The following PAFAH1B1 variants were observed in gnomAD, a reference collection of about 807,000 sequenced individuals.
PAFAH1B1 encodes the protein platelet activating factor acetylhydrolase 1b regulatory subunit 1.
In PAFAH1B1, 2 loss-of-function variants were observed where a neutral mutation model predicts 57.5. That is an observed-to-expected ratio of 0.03 (90% CI 0.01 to 0.11). The LOEUF is 0.11. Among genes scored for constraint, PAFAH1B1 ranks in the 10% least tolerant of loss-of-function variants. The pLI is 1.00. For synonymous variants in PAFAH1B1, 152 were observed against 169.6 expected, an observed-to-expected ratio of 0.90 and a Z score of 0.81; for missense variants, 257 against 512.0, an observed-to-expected ratio of 0.50 and a Z score of 4.81.
chr17:2,612,432 T>A (rs1002929753), intron 1 of PAFAH1B1, among the ~76,000 whole-genome samples: 1 of 152,030 alleles, frequency 6.6e-6, no homozygotes, highest in African/African-American at 2.4e-5. Flanking sequence ...GGTCTCAAAC[T>A]ACCGACCTCA....
intron 2 of PAFAH1B1, among the ~76,000 whole-genome samples, chr17:2,648,553 C>T (rs1380847399): frequency 1.3e-5 from 2 of 151,904 alleles, no homozygotes; most frequent in African/African-American, 2.4e-5. Context: ...TGGCACACAC[C>T]TGTAGCCCCA....
Position 2,595,419 on chromosome 17 carries a change from T to G in PAFAH1B1, c.-191+1413T>G, listed in dbSNP as rs889442204. On this transcript the variant is annotated intron_variant, in intron 1 of 10. Transcript: ENST00000397195. ...CCTCCCTTTTTGCCACAGGAGTGTTTGCTTTTTTTTTTTTTTTTGCTGCAG... is the reference window on the plus strand; with the variant it reads ...CCTCCCTTTTTGCCACAGGAGTGTTGGCTTTTTTTTTTTTTTTTGCTGCAG... Among the ~76,000 whole-genome samples, 4 of 139,580 alleles carry G rather than the reference T, an allele frequency of 2.9e-5. 1 individual carries two copies. The highest frequency in any genetic ancestry group is 5.9e-5 in the African/African-American group (2 of 33,858). The allele number at this position is 139,580 out of a possible 152,430, so 91.6% of individuals were successfully genotyped here. A position where few individuals can be genotyped will look rare whatever the true frequency, so the allele number is the denominator to read the frequency against.
intron 5 of PAFAH1B1, chr17:2,667,517 A>G (rs1447429577): frequency 3.0e-6 from 1 of 331,368 alleles, no homozygotes; most frequent in Non-Finnish European, 5.8e-6. Context: ...TTGATGGTGA[A>G]TTTGAGAAAG....
intron 3 of PAFAH1B1, 118 bp downstream of exon 3, chr17:2,665,574 A>G: frequency 1.6e-6 from 1 of 636,644 alleles, no homozygotes; most frequent in Non-Finnish European, 2.8e-6. Flanking sequence ...CTTGGTACTG[A>G]ACTTGATTTT....
At chr17:2,622,591 G>T (rs796252551) in intron 1 of PAFAH1B1, among the ~76,000 whole-genome samples, 7 of 152,290 alleles carry the variant, frequency 4.6e-5, no homozygotes, top group African/African-American at 1.7e-4. Flanking sequence ...GGCTTTGCAG[G>T]GTACGGCCTC....
chr17:2,597,277 T>A (rs1217213979), intron 1 of PAFAH1B1, among the ~76,000 whole-genome samples: 3 of 152,152 alleles, frequency 2.0e-5, no homozygotes, highest in Non-Finnish European at 2.9e-5. Flanking sequence ...AAGGAATTTT[T>A]TAGTACAATT....
chr17:2,611,473 AAAAAAAAAAAAT>A (rs940179753), intron 1 of PAFAH1B1, among the ~76,000 whole-genome samples: 1 of 141,226 alleles, frequency 7.1e-6, no homozygotes, highest in Non-Finnish European at 1.6e-5. Context: ...GTCTCGGGGC[AAAAAAAAAAAAT>A]AAAAAAAGAA....
rs555909039 is a variant in PAFAH1B1 at position 2,653,286 on chromosome 17, G to T, written c.33-12086G>T. Among the ~76,000 whole-genome samples, 40 of 152,190 alleles carry T rather than the reference G, an allele frequency of 2.6e-4. No individual in the cohort carries two copies. The East Asian group carries it at 7.1e-3, about 27-fold the overall frequency. On this transcript the variant is annotated intron_variant, in intron 2 of 10. Transcript: ENST00000397195. ...GGCCTGTCGTGAGGTGAGGGGAGAG[G>T]GGAGGGATAGCATTAGGAGATATAC...
intron 1 of PAFAH1B1, among the ~76,000 whole-genome samples, chr17:2,622,194 A>G (rs1421950546): frequency 6.6e-6 from 1 of 152,004 alleles, no homozygotes; most frequent in Non-Finnish European, 1.5e-5. Flanking sequence ...GTCCCTCCAT[A>G]TCTCATGTCC....
rs1292403239 is a variant in PAFAH1B1, at chr17:2,683,360, A to AGT, written c.*1560_*1561dup. On this transcript the variant is annotated 3_prime_UTR_variant, in exon 11 of 11. Transcript: ENST00000397195. ...AAAGTTAACAGAACAATGAGATAAC[A>AGT]GTGACAGTTTAACAAAGATAAAATT... 2.6e-5 allele frequency: 4 copies of AGT among 152,228 alleles called. No individual in the cohort carries two copies. The highest frequency in any genetic ancestry group is 5.9e-5 in the Non-Finnish European group (4 of 68,044). The allele number at this position is 152,228 out of a possible 1,614,324, so 9.4% of individuals were successfully genotyped here.
chr17:2,658,795 G>A (rs1244433608), intron 2 of PAFAH1B1, among the ~76,000 whole-genome samples: 2 of 152,158 alleles, frequency 1.3e-5, no homozygotes, highest in Non-Finnish European at 2.9e-5. Context: ...TTTGGAAGTA[G>A]TTATCTTAGA....
chr17:2,677,806 AT>A (rs2069294115), intron 9 of PAFAH1B1, among the ~76,000 whole-genome samples: 1 of 151,992 alleles, frequency 6.6e-6, no homozygotes, highest in African/African-American at 2.4e-5. Flanking sequence ...GTGACCGGAG[AT>A]GGCACCACTG....
intron 2 of PAFAH1B1, among the ~76,000 whole-genome samples, chr17:2,650,837 G>A (rs1466348378): frequency 6.6e-6 from 1 of 151,926 alleles, no homozygotes; most frequent in Non-Finnish European, 1.5e-5. Flanking sequence ...TTGTTTTGTT[G>A]TGTTTTCTGT....
rs767684662 is a variant in PAFAH1B1, at chr17:2,674,194, A to G, written c.806A>G (p.Lys269Arg). 1.9e-6 allele frequency: 3 copies of G among 1,614,156 alleles called. No homozygotes were observed. The highest frequency in any genetic ancestry group is 2.5e-6 in the Non-Finnish European group (3 of 1,180,002). The change falls in exon 8 of 11, where the codon AAG becomes AGG. Residue 269 changes from lysine (K) to arginine (R), a missense_variant. Lys to Arg is a conservative substitution (Grantham distance 26, BLOSUM62 2). Coordinates refer to ENST00000397195, the MANE Select transcript of PAFAH1B1 (RefSeq NM_000430.4). Reference sequence around the variant, plus strand: ...TGGGTCGTAGCAACAAAGGAATGCAAGGCTGAGCTCCGAGAGCATGAGCAT... The same window carrying G: ...TGGGTCGTAGCAACAAAGGAATGCAGGGCTGAGCTCCGAGAGCATGAGCAT... ...RVWVVATKEC[K>R]AELREHEHVV...
chr17:2,636,235 A>G lies in PAFAH1B1; in HGVS notation c.-190-1864A>G, dbSNP rs377226807. On this transcript the variant is annotated intron_variant, in intron 1 of 10. Transcript: ENST00000397195. Reference sequence around the variant, plus strand: ...GTTCCACTAGTTCTTACTGATTCCAACCATATTTCTCAGAATTTAGATGGA... The same window carrying G: ...GTTCCACTAGTTCTTACTGATTCCAGCCATATTTCTCAGAATTTAGATGGA... Among the ~76,000 whole-genome samples the G allele has an allele frequency of 1.9e-3, 293 of 152,318 alleles. 1 individual carries two copies. Among genetic ancestry groups the G allele is most frequent in the African/African-American group, 6.6e-3 (276 of 41,574 alleles).
rs373162218 is a variant in PAFAH1B1, at chr17:2,675,915, GTTAAA to G, written c.901-583_901-579del. On this transcript the variant is annotated intron_variant, in intron 8 of 10. Transcript: ENST00000397195. ...TTTGGTTTTGGTTGGATTTGTAAAA[GTTAAA>G]TTAAATAGTGATTACAGAAATCTTG... 5.9e-4 allele frequency among the ~76,000 whole-genome samples: 90 copies of G among 152,264 alleles called. No homozygotes were observed. In the East Asian group the frequency reaches 0.01, roughly 17 times the overall value.
chr17:2,649,211 T>C (rs1447026861), intron 2 of PAFAH1B1, among the ~76,000 whole-genome samples: 1 of 135,532 alleles, frequency 7.4e-6, no homozygotes, highest in Admixed American at 7.5e-5. Flanking sequence ...AGCAAGACTG[T>C]CTCAAAAAAA....
chr17:2,672,952 C>T (rs1202398292), intron 7 of PAFAH1B1, among the ~76,000 whole-genome samples, 195 bp downstream of exon 7: 1 of 152,012 alleles, frequency 6.6e-6, no homozygotes, highest in African/African-American at 2.4e-5. Flanking sequence ...CCTGTATTCC[C>T]AGCTACTTGG....
Position 2,684,339 on chromosome 17 carries a change from C to T in PAFAH1B1, c.*2537C>T, listed in dbSNP as rs1369358771. The T allele has an allele frequency of 1.3e-5, 2 of 152,728 alleles. No homozygotes were observed. The highest frequency in any genetic ancestry group is 2.9e-5 in the Non-Finnish European group (2 of 68,106). The allele number at this position is 152,728 out of a possible 1,614,324, so 9.5% of individuals were successfully genotyped here. A position where few individuals can be genotyped will look rare whatever the true frequency, so the allele number is the denominator to read the frequency against. ...CTGTGTTCTCTGTTTTCTCTGTCTG[C>T]TGTCTAACCCTGTGCCTTGCCTGGG... is the stretch of plus-strand genomic sequence containing the variant. On this transcript the variant is annotated 3_prime_UTR_variant, in exon 11 of 11. Transcript: ENST00000397195.
Sources: gnomAD v4.1 joint callset for allele counts (sites outside exome capture counted in the v4.1 genomes callset) on GRCh38, gnomAD v4.1.1 for gene constraint, MANE v1.5 for transcripts, NCBI Gene and HGNC (gene_info 2026-07-23, HGNC 2026-07-21) for gene names.